Variants in DLL4 observed in about 807,000 individuals in gnomAD.
DLL4 encodes delta like canonical Notch ligand 4, also known as delta-like protein 4.
A neutral mutation model predicts 73.6 loss-of-function variants in DLL4; 7 were observed. The observed-to-expected ratio is 0.10, with a 90% CI of 0.05 to 0.18. DLL4 has a LOEUF of 0.18. Ranked by LOEUF, DLL4 falls within the 10% of genes least tolerant of loss-of-function variation. DLL4 has a pLI of 1.00. For missense variants in DLL4, 614 were observed against 929.9 expected, an observed-to-expected ratio of 0.66 and a Z score of 4.42; for synonymous variants, 345 against 374.3, an observed-to-expected ratio of 0.92 and a Z score of 0.90.
intron 8 of DLL4, among the ~76,000 whole-genome samples, chr15:40,936,025 A>C (rs570688539): frequency 6.6e-6 from 1 of 152,338 alleles, no homozygotes; most frequent in Admixed American, 6.5e-5. Flanking sequence ...GATGCTAGTC[A>C]TTTTTATACA....
intron 8 of DLL4, among the ~76,000 whole-genome samples, chr15:40,935,937 C>T: frequency 6.6e-6 from 1 of 152,194 alleles, no homozygotes; most frequent in South Asian, 2.1e-4. Context: ...GCAGCAAGTG[C>T]CAGATCTCAG....
rs1892818437 is a variant in DLL4 at position 40,934,709 on chromosome 15, A to T, written c.1012A>T (p.Ser338Cys). The T allele has an allele frequency of 6.2e-7, 1 of 1,613,488 alleles. No homozygotes were observed. The highest frequency in any genetic ancestry group is 1.3e-5 in the African/African-American group (1 of 74,914). Residue 338 changes from serine to cysteine, a missense_variant, in exon 7 of 11, where the codon AGC (serine) becomes TGC (cysteine). Ser to Cys is a moderately radical substitution (Grantham distance 112). Transcript: ENST00000249749. ...CDSNPCRNGG[S>C]CKDQEDGYHC... ...CAGCAACCCCTGTCGCAATGGAGGC[A>T]GCTGTAAGGTGAGGCCCAGACCAGC...
chr15:40,933,957 A>AG (rs1892805250), intron 6 of DLL4, among the ~76,000 whole-genome samples: 1 of 140,946 alleles, frequency 7.1e-6, no homozygotes, highest in African/African-American at 2.6e-5. Flanking sequence ...TAGAGCTTGC[A>AG]GTGAGCCGAG....
At chr15:40,933,268 TTGTGTGTGTG>T (rs113508793) in intron 6 of DLL4, among the ~76,000 whole-genome samples, 1 of 147,448 alleles carries the variant, frequency 6.8e-6, no homozygotes, top group East Asian at 2.0e-4. Context: ...AGTCCCTGTG[TTGTGTGTGTG>T]TGTGTGTGTG....
rs767906706 is a variant in DLL4, at chr15:40,936,790, C to G, written c.1803C>G (p.Asp601Glu). Residue 601 changes from aspartate (D) to glutamate (E), a missense_variant, in exon 9 of 11, where the codon GAC (aspartate) becomes GAG (glutamate). Physicochemically the swap from Asp to Glu is conservative, Grantham distance 45. Around this residue, in one of 3 missense-constraint regions of DLL4, gnomAD observed 386 missense variants for 541.3 expected, o/e 0.71. Coordinates refer to ENST00000249749, the MANE Select transcript of DLL4 (RefSeq NM_019074.4). ...KKELEVDCGL[D>E]KSNCGKQQNH... Reference sequence around the variant, plus strand: ...AGCTGGAAGTGGACTGTGGCCTGGACAAGTCCAACTGTGGCAAACAGCAAA... The same window carrying G: ...AGCTGGAAGTGGACTGTGGCCTGGAGAAGTCCAACTGTGGCAAACAGCAAA... The G allele has an allele frequency of 1.9e-6, 3 of 1,613,818 alleles. No homozygotes were observed. The highest frequency in any genetic ancestry group is 2.5e-6 in the Non-Finnish European group (3 of 1,179,900).
intron 6 of DLL4, among the ~76,000 whole-genome samples, chr15:40,934,188 C>T (rs940091449): frequency 3.3e-5 from 5 of 151,494 alleles, no homozygotes; most frequent in Non-Finnish European, 7.4e-5. Flanking sequence ...TAATCGGGCA[C>T]AGTGGCGCAT....
chr15:40,930,448 G>T lies in DLL4; in HGVS notation c.337-177G>T, dbSNP rs569858417. 6.0e-6 allele frequency: 4 copies of T among 669,054 alleles called. No individual in the cohort carries two copies. The highest frequency in any genetic ancestry group is 5.0e-5 in the Admixed American group (2 of 40,152). The allele number at this position is 669,054 out of a possible 1,614,324, so 41.4% of individuals were successfully genotyped here. ...TCTCTCAACCCTCCCTCTACCGGGGGTTCTCCTCTCGCCTTCCCTGCTCAA... is the reference window on the plus strand; with the variant it reads ...TCTCTCAACCCTCCCTCTACCGGGGTTTCTCCTCTCGCCTTCCCTGCTCAA... On this transcript the variant is annotated intron_variant, in intron 2 of 10. Transcript: ENST00000249749. This position sits in a 1 kb window ranked among gnomAD's most constrained non-coding sequence, Gnocchi z 5.7.
intron 6 of DLL4, among the ~76,000 whole-genome samples, chr15:40,933,105 CA>C (rs1892792181): frequency 7.0e-6 from 1 of 143,148 alleles, no homozygotes; most frequent in African/African-American, 3.0e-5. Context: ...TAGCCAGCTG[CA>C]GCCAGCTGCA....
At chr15:40,936,140 C>T in intron 8 of DLL4, 88 bp from the exon 9 acceptor site, 1 of 1,211,770 alleles carries the variant, frequency 8.3e-7, no homozygotes, top group Admixed American at 2.6e-5. Context: ...GTAGAAGGGC[C>T]CGAACGTGTT....
intron 6 of DLL4, among the ~76,000 whole-genome samples, chr15:40,933,492 T>C (rs1892800006): frequency 1.3e-5 from 2 of 152,208 alleles, no homozygotes; most frequent in African/African-American, 4.8e-5. Context: ...AAACAAATAC[T>C]TATATTTCAA....
In DLL4 at chr15:40,929,653, A is replaced by T. The variant is rs1281472146; in HGVS notation, c.-16A>T. On this transcript the variant is annotated 5_prime_UTR_variant, in exon 1 of 11. Transcript: ENST00000249749. The surrounding 1 kb of genome is among the most constrained non-coding windows in gnomAD (Gnocchi z 7.1). ...AGATTGAGGGCCCGCGGGTGGAGAG[A>T]GCGACGCCCGAGGGGATGGCGGCAG... 1 of 1,522,348 alleles carries T rather than the reference A, an allele frequency of 6.6e-7. No homozygotes were observed. The highest frequency in any genetic ancestry group is 2.3e-5 in the East Asian group (1 of 43,530). 94.3% of individuals were successfully genotyped at this position (1,522,348 alleles called of 1,614,324 possible).
chr15:40,929,589 C>T lies in DLL4; in HGVS notation c.-80C>T. The stretch of plus-strand genomic sequence containing the variant: ...CGCCTCTTTTCAGGGACCCCGCCGG[C>T]TGGCGGACGCGCGGGAAAGCGGCGT... On this transcript the variant is annotated 5_prime_UTR_variant, in exon 1 of 11. Coordinates refer to ENST00000249749, the MANE Select transcript of DLL4 (RefSeq NM_019074.4). The surrounding 1 kb of genome is among the most constrained non-coding windows in gnomAD (Gnocchi z 7.1). 1 of 1,343,552 alleles carries T rather than the reference C, an allele frequency of 7.4e-7. No homozygotes were observed. 83.2% of individuals were successfully genotyped at this position (1,343,552 alleles called of 1,614,324 possible).
At position 40,937,523 on chromosome 15, in the gene DLL4, G is replaced by A. The variant is rs1292184163; in HGVS notation, c.2049G>A (p.Thr683=). 9 of 1,603,758 alleles carry A rather than the reference G, an allele frequency of 5.6e-6. No homozygotes were observed. The Admixed American group carries it at 8.3e-5, about 15-fold the overall frequency. Residue 683 remains threonine (T), a synonymous_variant, in exon 10 of 11, where the codon ACG becomes ACA. Transcript: ENST00000249749. ...AGAGGAATGAATGTGTCATTGCCAC[G>A]GAGGTGAGTGCTGGGCTCGCCTTTC... is the stretch of plus-strand genomic sequence containing the variant. ...SEERNECVIA[T]EV
rs2140368170 is a variant in DLL4 at position 40,929,528 on chromosome 15, C to A, written c.-141C>A. 2.5e-6 allele frequency: 2 copies of A among 785,518 alleles called. No individual in the cohort carries two copies. The highest frequency in any genetic ancestry group is 2.9e-5 in the East Asian group (1 of 34,910). 48.7% of individuals were successfully genotyped at this position (785,518 alleles called of 1,614,324 possible). ...ACAGCGGCAGCTGCAGCGGAGCCAG[C>A]GAGAAGGCCAAAGGGGAGCAGCGTC... On this transcript the variant is annotated 5_prime_UTR_variant, in exon 1 of 11. Coordinates refer to ENST00000249749, the MANE Select transcript of DLL4 (RefSeq NM_019074.4). This position sits in a 1 kb window ranked among gnomAD's most constrained non-coding sequence, Gnocchi z 7.1.
rs779866365 is a variant in DLL4, at chr15:40,930,754, G to A, written c.394+72G>A. Reference sequence around the variant, plus strand: ...CCGAAAGAGTTAATCTGTTCTAGGCGGGGGAAGTGCGGGCTTGGGGGTGGG... The same window carrying A: ...CCGAAAGAGTTAATCTGTTCTAGGCAGGGGAAGTGCGGGCTTGGGGGTGGG... On this transcript the variant is annotated intron_variant, in intron 3 of 10. Coordinates refer to ENST00000249749, the MANE Select transcript of DLL4 (RefSeq NM_019074.4). The surrounding 1 kb of genome is among the most constrained non-coding windows in gnomAD (Gnocchi z 5.7). 6 of 1,502,722 alleles carry A rather than the reference G, an allele frequency of 4.0e-6. No homozygotes were observed. In the African/African-American group the frequency reaches 4.1e-5, roughly 10 times the overall value. The allele number at this position is 1,502,722 out of a possible 1,614,324, so 93.1% of individuals were successfully genotyped here.
In DLL4 at chr15:40,930,201, T is replaced by A; in HGVS notation, c.336+85T>A. On this transcript the variant is annotated intron_variant, in intron 2 of 10. Coordinates refer to ENST00000249749, the MANE Select transcript of DLL4 (RefSeq NM_019074.4). This position sits in a 1 kb window ranked among gnomAD's most constrained non-coding sequence, Gnocchi z 5.7. ...ACCAAAGCCCCCTCCCCAGATTTCC[T>A]TGTACACACACCCCCACCCCCAAAA... 6.7e-7 allele frequency: 1 copy of A among 1,484,402 alleles called. No individual in the cohort carries two copies. The highest frequency in any genetic ancestry group is 2.0e-5 in the Admixed American group (1 of 49,908). 92.0% of individuals were successfully genotyped at this position (1,484,402 alleles called of 1,614,324 possible).
Position 40,931,553 on chromosome 15 carries a change from C to T in DLL4, c.445C>T (p.Leu149=), listed in dbSNP as rs1158420616. ...LISKIAIQGS[L]AVGQNWLLDE... ...CAGCAAGATCGCCATCCAGGGCTCC[C>T]TAGCTGTGGGTCAGAACTGGTTATT... Residue 149 remains leucine, a synonymous_variant, in exon 4 of 11, where the codon CTA becomes TTA. Coordinates refer to ENST00000249749, the MANE Select transcript of DLL4 (RefSeq NM_019074.4). 6.2e-7 allele frequency: 1 copy of T among 1,610,814 alleles called. No homozygotes were observed. Among genetic ancestry groups the T allele is most frequent in the Non-Finnish European group, 8.5e-7 (1 of 1,178,490 alleles).
rs1210224236 is a variant in DLL4 at position 40,929,790 on chromosome 15, G to A, written c.66+56G>A. On this transcript the variant is annotated intron_variant, in intron 1 of 10. Transcript: ENST00000249749. The surrounding 1 kb of genome is among the most constrained non-coding windows in gnomAD (Gnocchi z 7.1). Reference sequence around the variant, plus strand: ...CTGCCGCGCTCTGGGCCTCAGCCCCGGGCACCAGCTGAGCTGACCGGTCCC... The same window carrying A: ...CTGCCGCGCTCTGGGCCTCAGCCCCAGGCACCAGCTGAGCTGACCGGTCCC... 11 of 1,606,972 alleles carry A rather than the reference G, an allele frequency of 6.8e-6. No homozygotes were observed. Among genetic ancestry groups the A allele is most frequent in the Non-Finnish European group, 6.8e-6 (8 of 1,179,196 alleles).
chr15:40,931,818 C>T (rs538590693), intron 4 of DLL4, 52 bp downstream of exon 4: 10 of 1,598,846 alleles, frequency 6.3e-6, no homozygotes, highest in African/African-American at 1.3e-5. Context: ...CCTGAGGAAA[C>T]ACAGTGGAGC....
Sources: allele counts gnomAD v4.1 joint callset (sites outside exome capture counted in the v4.1 genomes callset), GRCh38; gene constraint gnomAD v4.1.1; regional missense constraint gnomAD v4.1.1; non-coding constraint Gnocchi (gnomAD v3.1); transcripts MANE v1.5; gene names NCBI Gene and HGNC (gene_info 2026-07-23, HGNC 2026-07-21).